The following ATG4C variants were observed in gnomAD, a reference collection of about 807,000 sequenced individuals.
The protein encoded by ATG4C is cysteine protease ATG4C.
In ATG4C, 56 loss-of-function variants were observed where a neutral mutation model predicts 57.6. The ratio of observed to expected loss-of-function variants is 0.97; its 90% confidence interval spans 0.78 to 1.21. The LOEUF is 1.21. Ranked by LOEUF, ATG4C falls within the 50% of genes most tolerant of loss-of-function variation. ATG4C has a pLI of 0.00. For synonymous variants in ATG4C, 157 were observed against 174.1 expected (o/e 0.90, Z 0.78); for missense variants, 595 against 529.8 (o/e 1.12, Z -1.21).
intron 1 of ATG4C, among the ~76,000 whole-genome samples, chr1:62,803,021 T>G (rs2100294658): frequency 6.6e-6 from 1 of 152,300 alleles, no homozygotes; most frequent in East Asian, 1.9e-4. Context: ...AGCACAAGCA[T>G]TTTCAGTTAT....
chr1:62,791,190 G>A (rs1160054910), intron 1 of ATG4C, among the ~76,000 whole-genome samples: 1 of 152,114 alleles, frequency 6.6e-6, no homozygotes, highest in Non-Finnish European at 1.5e-5. Flanking sequence ...TAACCATTTT[G>A]CTTATTAGAA....
chr1:62,860,033 A>AT (rs1666803044), intron 10 of ATG4C, among the ~76,000 whole-genome samples: 3 of 152,100 alleles, frequency 2.0e-5, no homozygotes, highest in African/African-American at 7.2e-5. Context: ...ATTCTATAAG[A>AT]TTTTTTCTAT....
chr1:62,834,897 T>A, intron 9 of ATG4C, 45 bp downstream of exon 9: 2 of 1,480,526 alleles, frequency 1.4e-6, no homozygotes, highest in Admixed American at 1.7e-5. Flanking sequence ...CCATATGAAG[T>A]AAACTAATTA....
At chr1:62,799,131 C>G (rs1557959907) in intron 1 of ATG4C, among the ~76,000 whole-genome samples, 1 of 152,134 alleles carries the variant, frequency 6.6e-6, no homozygotes, top group African/African-American at 2.4e-5. Flanking sequence ...GTTGTCCAGG[C>G]TGGTCTTGAA....
At chr1:62,811,179 A>G (rs1371160421) in intron 3 of ATG4C, among the ~76,000 whole-genome samples, 1 of 152,238 alleles carries the variant, frequency 6.6e-6, no homozygotes, top group African/African-American at 2.4e-5. Flanking sequence ...CTACCCTCCA[A>G]GTCATCTACA....
Position 62,819,176 on chromosome 1 carries a change from A to G in ATG4C, c.566A>G (p.His189Arg), listed in dbSNP as rs1665394641. Residue 189 changes from histidine (H) to arginine (R), a missense_variant, in exon 5 of 11, where the codon CAT (histidine) becomes CGT (arginine). By Grantham distance (29) the His-to-Arg change is conservative. Transcript: ENST00000317868. ...ACAATTGGGAAATATTCTGATGATC[A>G]TGAAATGCGAAATGAAGTTTATCAT... ...KETIGKYSDD[H>R]EMRNEVYHRK... is the part of the protein sequence containing the mutation. 2 of 1,613,590 alleles carry G rather than the reference A, an allele frequency of 1.2e-6. No homozygotes were observed. Among genetic ancestry groups the G allele is most frequent in the Non-Finnish European group, 1.7e-6 (2 of 1,179,726 alleles).
chr1:62,793,064 T>G (rs963812458), intron 1 of ATG4C, among the ~76,000 whole-genome samples: 5 of 150,736 alleles, frequency 3.3e-5, no homozygotes, highest in African/African-American at 1.2e-4. Context: ...TTTTTTGTAT[T>G]TTTAGTAGAG....
intron 6 of ATG4C, among the ~76,000 whole-genome samples, chr1:62,826,157 C>G (rs1224447493): frequency 6.6e-6 from 1 of 151,884 alleles, no homozygotes; most frequent in Non-Finnish European, 1.5e-5. Context: ...GATCCACCCA[C>G]CTTGGCCTCC....
chr1:62,804,809 A>G (rs1320226085), intron 2 of ATG4C, among the ~76,000 whole-genome samples: 3 of 152,232 alleles, frequency 2.0e-5, no homozygotes, highest in Non-Finnish European at 2.9e-5. Flanking sequence ...GATAATGCAA[A>G]TTCAGGAAAA....
chr1:62,800,656 CTTTA>C (rs1664628448), intron 1 of ATG4C, among the ~76,000 whole-genome samples: 1 of 152,054 alleles, frequency 6.6e-6, no homozygotes, highest in East Asian at 1.9e-4. Flanking sequence ...CTTTCCTTTT[CTTTA>C]TTCTAGTGTC....
intron 7 of ATG4C, among the ~76,000 whole-genome samples, chr1:62,831,963 A>G (rs1292583680): frequency 6.6e-6 from 1 of 152,202 alleles, no homozygotes; most frequent in African/African-American, 2.4e-5. Flanking sequence ...TGTAAGAGAC[A>G]TAGAACTTTC....
In ATG4C at chr1:62,838,657, G is replaced by A. The variant is rs529823894; in HGVS notation, c.1090-2771G>A. Among the ~76,000 whole-genome samples the A allele has an allele frequency of 9.9e-5, 15 of 152,128 alleles. 1 individual carries two copies. In the South Asian group the frequency reaches 3.1e-3, roughly 32 times the overall value. ...TAGCTGGGCGTGGTGGTGCGCACCT[G>A]TAATCCCAGCTACTCGAGAGGCTGA... On this transcript the variant is annotated intron_variant, in intron 9 of 10. Coordinates refer to ENST00000317868, the MANE Select transcript of ATG4C (RefSeq NM_032852.4).
chr1:62,862,408 T>C (rs6683732), intron 10 of ATG4C, among the ~76,000 whole-genome samples: 68,558 of 151,864 alleles, frequency 0.45, 15,586 homozygotes, highest in East Asian at 0.67. Context: ...GATATGTGGA[T>C]ACTTGCCCGT....
intron 6 of ATG4C, among the ~76,000 whole-genome samples, chr1:62,825,129 G>A (rs112448636): frequency 1.3e-5 from 2 of 151,496 alleles, no homozygotes; most frequent in African/African-American, 2.4e-5. Context: ...CCAGCTACTC[G>A]GGAGGCTGAG....
intron 10 of ATG4C, among the ~76,000 whole-genome samples, chr1:62,844,839 A>G (rs1666280684): frequency 6.6e-6 from 1 of 152,078 alleles, no homozygotes; most frequent in Non-Finnish European, 1.5e-5. Flanking sequence ...ATAAAGAGAT[A>G]TATATTCATC....
chr1:62,789,690 G>C (rs1664206172), intron 1 of ATG4C, among the ~76,000 whole-genome samples: 1 of 151,996 alleles, frequency 6.6e-6, no homozygotes. Context: ...GGTGGCGGGC[G>C]CCTGTAGTCC....
rs1257728026 is a variant in ATG4C at position 62,865,055 on chromosome 1, T to A, written c.*896T>A. ...ACCTGTAAGGCAAATCTGCCTTAAG[T>A]GTATTATGTGTTACTTAAAGGCAAA... On this transcript the variant is annotated 3_prime_UTR_variant, in exon 11 of 11. Transcript: ENST00000317868. The A allele has an allele frequency of 6.6e-6, 1 of 151,930 alleles. No homozygotes were observed. The highest frequency in any genetic ancestry group is 1.5e-5 in the Non-Finnish European group (1 of 67,810). 9.4% of individuals were successfully genotyped at this position (151,930 alleles called of 1,614,324 possible).
At chr1:62,825,400 C>A (rs1303746729) in intron 6 of ATG4C, among the ~76,000 whole-genome samples, 1 of 152,132 alleles carries the variant, frequency 6.6e-6, no homozygotes, top group South Asian at 2.1e-4. Context: ...CCTTACAACA[C>A]TTTGTTTACT....
chr1:62,822,029 A>G (rs1040788370), intron 6 of ATG4C, among the ~76,000 whole-genome samples: 2 of 152,122 alleles, frequency 1.3e-5, no homozygotes, highest in African/African-American at 4.8e-5. Flanking sequence ...AGTAATTTTG[A>G]AACTTGTTGC....
Sources: allele counts gnomAD v4.1 joint callset (sites outside exome capture counted in the v4.1 genomes callset), GRCh38; gene constraint gnomAD v4.1.1; transcripts MANE v1.5; gene names NCBI Gene and HGNC (gene_info 2026-07-23, HGNC 2026-07-21).